The following DTD1 variants were observed in gnomAD, a reference collection of about 807,000 sequenced individuals.
The protein encoded by DTD1 is D-tyrosyl-tRNA deacylase 1 homolog.
DTD1 carries 13 observed loss-of-function variants against 25.6 expected under a neutral mutation model. The ratio of observed to expected loss-of-function variants is 0.51; its 90% CI spans 0.33 to 0.81. The LOEUF (loss-of-function observed/expected upper bound fraction) is 0.81. Among genes scored for constraint, DTD1 ranks in the 30% least tolerant of loss-of-function variants. The pLI is 0.02. For synonymous variants in DTD1, 110 were observed against 103.6 expected (o/e 1.06, Z -0.37); for missense variants, 193 against 266.4 (o/e 0.72, Z 1.92).
chr20:18,619,128 A>G (rs2060722781), intron 3 of DTD1, among the ~76,000 whole-genome samples: 1 of 152,128 alleles, frequency 6.6e-6, no homozygotes, highest in Non-Finnish European at 1.5e-5. Flanking sequence ...TACAGGCATG[A>G]GCTACCTCCC....
At chr20:18,671,089 C>T (rs1237670531) in intron 4 of DTD1, among the ~76,000 whole-genome samples, 5 of 152,164 alleles carry the variant, frequency 3.3e-5, no homozygotes, top group Admixed American at 1.3e-4. Flanking sequence ...CTGGAATCTG[C>T]AGTCTGTGGC....
chr20:18,765,475 T>G lies in DTD1; in HGVS notation c.*2135T>G, dbSNP rs529842533. On this transcript the variant is annotated 3_prime_UTR_variant, in exon 6 of 6. Transcript: ENST00000377452. ...AAAGCATTTACTACTTTTGTAAACA[T>G]TTTGGATTGAAGAGAACTTTTCCAT... 45 of 152,326 alleles carry G rather than the reference T, an allele frequency of 3.0e-4. No homozygotes were observed. The highest frequency in any genetic ancestry group is 1.1e-3 in the African/African-American group (44 of 41,574). 9.4% of individuals were successfully genotyped at this position (152,326 alleles called of 1,614,324 possible). A position where few individuals can be genotyped will look rare whatever the true frequency, so the allele number is the denominator to read the frequency against.
At chr20:18,708,297 A>ATTAT (rs1491282962) in intron 4 of DTD1, among the ~76,000 whole-genome samples, 1 of 38,650 alleles carries the variant, frequency 2.6e-5, no homozygotes, top group African/African-American at 1.0e-4. Context: ...ATATATATAT[A>ATTAT]ATATATATAT....
At chr20:18,669,770 C>T (rs1449950818) in intron 4 of DTD1, among the ~76,000 whole-genome samples, 1 of 152,148 alleles carries the variant, frequency 6.6e-6, no homozygotes, top group Non-Finnish European at 1.5e-5. Context: ...CCGGGGGGGT[C>T]TGCATGCCAA....
In DTD1 at chr20:18,628,190, TGGAATCG is replaced by T; in HGVS notation, c.435_441del (p.Glu146GlnfsTer85). ...AATGATGGGCCTGTGACCATAGAGCTGGAATCGCCAGCTCCCGGCACTGCTACCTCTG... is the reference window on the plus strand; with the variant it reads ...AATGATGGGCCTGTGACCATAGAGCTCCAGCTCCCGGCACTGCTACCTCTG... On this transcript the variant is annotated frameshift_variant, in exon 4 of 6. Transcript: ENST00000377452. LOFTEE classifies it high-confidence loss of function. The T allele has an allele frequency of 6.2e-7, 1 of 1,613,894 alleles. No homozygotes were observed. The highest frequency in any genetic ancestry group is 8.5e-7 in the Non-Finnish European group (1 of 1,179,834).
intron 3 of DTD1, among the ~76,000 whole-genome samples, chr20:18,600,197 A>G (rs2060628210): frequency 1.3e-5 from 2 of 152,206 alleles, no homozygotes; most frequent in Admixed American, 1.3e-4. Flanking sequence ...AACATAATCT[A>G]GATTTTTTCC....
At chr20:18,634,746 A>C (rs6112043) in intron 4 of DTD1, among the ~76,000 whole-genome samples, 124,949 of 152,006 alleles carry the variant, frequency 0.82, 52,653 homozygotes, top group Non-Finnish European at 0.93. Context: ...GAAAAGAATT[A>C]CATTTGGTTT....
intron 5 of DTD1, among the ~76,000 whole-genome samples, chr20:18,754,323 G>A (rs1301216624): frequency 6.6e-6 from 1 of 152,178 alleles, no homozygotes; most frequent in African/African-American, 2.4e-5. Context: ...TACAGCAGGT[G>A]GAGGAAACTG....
At chr20:18,640,425 A>C (rs1455332305) in intron 4 of DTD1, among the ~76,000 whole-genome samples, 1 of 152,166 alleles carries the variant, frequency 6.6e-6, no homozygotes, top group South Asian at 2.1e-4. Flanking sequence ...AGCGCCGTTA[A>C]TAAGTTCTAT....
intron 3 of DTD1, among the ~76,000 whole-genome samples, chr20:18,627,745 A>G (rs1342844799): frequency 6.6e-6 from 1 of 152,076 alleles, no homozygotes; most frequent in Non-Finnish European, 1.5e-5. Flanking sequence ...AACTCTCACA[A>G]TTCATATGTT....
At chr20:18,613,251 G>T (rs2122281804) in intron 3 of DTD1, among the ~76,000 whole-genome samples, 1 of 152,350 alleles carries the variant, frequency 6.6e-6, no homozygotes, top group African/African-American at 2.4e-5. Flanking sequence ...GGTATACAGT[G>T]CCGAGTAAGA....
chr20:18,763,931 C>T lies in DTD1; in HGVS notation c.*591C>T, dbSNP rs2061372420. 1 of 152,218 alleles carries T rather than the reference C, an allele frequency of 6.6e-6. No individual in the cohort carries two copies. The highest frequency in any genetic ancestry group is 2.4e-5 in the African/African-American group (1 of 41,462). The allele number at this position is 152,218 out of a possible 1,614,324, so 9.4% of individuals were successfully genotyped here. A position where few individuals can be genotyped will look rare whatever the true frequency, so the allele number is the denominator to read the frequency against. On this transcript the variant is annotated 3_prime_UTR_variant, in exon 6 of 6. Transcript: ENST00000377452. Reference sequence around the variant, plus strand: ...TTATCAAACAAATTCTGCTCTGTTTCTGCATAACGATGATGTCCATAGAAA... The same window carrying T: ...TTATCAAACAAATTCTGCTCTGTTTTTGCATAACGATGATGTCCATAGAAA...
chr20:18,737,476 C>T (rs536195367), intron 4 of DTD1, among the ~76,000 whole-genome samples: 4 of 152,340 alleles, frequency 2.6e-5, no homozygotes, highest in African/African-American at 9.6e-5. Context: ...TAGGCCATCA[C>T]CTGAGGGCTT....
At chr20:18,732,961 C>A (rs955393247) in intron 4 of DTD1, among the ~76,000 whole-genome samples, 3 of 152,174 alleles carry the variant, frequency 2.0e-5, no homozygotes, top group African/African-American at 7.2e-5. Flanking sequence ...ATAACGAATT[C>A]TCATGTTAAC....
In DTD1 at chr20:18,593,758, G is replaced by A; in HGVS notation, c.71G>A (p.Gly24Glu). 1 of 1,614,002 alleles carries A rather than the reference G, an allele frequency of 6.2e-7. No individual in the cohort carries two copies. Among genetic ancestry groups the A allele is most frequent in the Non-Finnish European group, 8.5e-7 (1 of 1,179,936 alleles). ...TVGGEQISAI[G>E]RGICVLLGIS... Reference sequence around the variant, plus strand: ...GGAGGAGAGCAGATTAGTGCCATTGGAAGGGGCATATGTGTGTTGCTGGGT... The same window carrying A: ...GGAGGAGAGCAGATTAGTGCCATTGAAAGGGGCATATGTGTGTTGCTGGGT... The change falls in exon 2 of 6, where the codon GGA becomes GAA. Residue 24 changes from glycine to glutamate, a missense_variant. By Grantham distance (98) the Gly-to-Glu change is moderately conservative (BLOSUM62 -2). Coordinates refer to ENST00000377452, the MANE Select transcript of DTD1 (RefSeq NM_080820.6).
At chr20:18,751,064 C>CGTGTGTGTGTGTGTGT (rs144204072) in intron 5 of DTD1, among the ~76,000 whole-genome samples, 33 of 150,290 alleles carry the variant, frequency 2.2e-4, no homozygotes, top group Non-Finnish European at 3.8e-4. Flanking sequence ...CTACAGCAGC[C>CGTGTGTGTGTGTGTGT]GTGTGTGTGT....
chr20:18,588,779 C>T, intron 1 of DTD1: 1 of 985,258 alleles, frequency 1.0e-6, no homozygotes, highest in East Asian at 1.1e-4. Context: ...TTCTTGTGGA[C>T]CAAGCTACCC....
At chr20:18,624,215 G>T (rs747217909) in intron 3 of DTD1, among the ~76,000 whole-genome samples, 8 of 152,088 alleles carry the variant, frequency 5.3e-5, no homozygotes. Context: ...TTCCCAAGCC[G>T]TGTCCAGCCA....
intron 4 of DTD1, chr20:18,631,376 A>T: frequency 1.0e-6 from 1 of 985,666 alleles, no homozygotes; most frequent in Non-Finnish European, 1.2e-6. Context: ...CTGTGGGTCT[A>T]GACTGACCTG....
Sources: allele counts gnomAD v4.1 joint callset (sites outside exome capture counted in the v4.1 genomes callset), GRCh38; gene constraint gnomAD v4.1.1; transcripts MANE v1.5; gene names NCBI Gene and HGNC (gene_info 2026-07-23, HGNC 2026-07-21).